ZNF423: variants seen among roughly 807,000 people sequenced by gnomAD.
ZNF423 encodes Ebf-associated zinc finger protein.
A neutral mutation model predicts 95.8 loss-of-function variants in ZNF423; 12 were observed. The ratio of observed to expected loss-of-function variants is 0.13; its 90% confidence interval spans 0.08 to 0.20. ZNF423 has a LOEUF of 0.20. ZNF423 is among the 10% of genes least tolerant of loss of function. The pLI is 1.00. For synonymous variants in ZNF423, 749 were observed against 711.9 expected, an observed-to-expected ratio of 1.05 and a Z score of -0.83; for missense variants, 1,316 against 1,737.1, an observed-to-expected ratio of 0.76 and a Z score of 4.31.
intron 2 of ZNF423, among the ~76,000 whole-genome samples, chr16:49,742,753 C>A (rs1489724020): frequency 1.3e-5 from 2 of 152,136 alleles, no homozygotes; most frequent in Non-Finnish European, 2.9e-5. Flanking sequence ...TGGAGCAGAA[C>A]TCAAGGCTAG....
rs1186771923 is a variant in ZNF423 at position 49,637,954 on chromosome 16, C to A, written c.1222G>T (p.Asp408Tyr). Residue 408 changes from aspartate (D) to tyrosine (Y), a missense_variant, in exon 4 of 8, where the codon GAC becomes TAC. Asp to Tyr is a radical substitution (Grantham distance 160). Coordinates refer to ENST00000563137, the MANE Select transcript of ZNF423 (RefSeq NM_001379286.1). This position sits in a 1 kb window ranked among gnomAD's most constrained non-coding sequence, Gnocchi z 5.6. ...ACCACCTTGGTCCAGCCCTGCCCGT[C>A]ATCCCGCATCTTCTTCTGCCCCCGC... ...PLRGQKKMRD[D>Y]GQGWTKVVYS... 1 of 1,614,166 alleles carries A rather than the reference C, an allele frequency of 6.2e-7. No homozygotes were observed. The highest frequency in any genetic ancestry group is 2.2e-5 in the East Asian group (1 of 44,870).
intron 5 of ZNF423, among the ~76,000 whole-genome samples, chr16:49,585,886 G>A (rs1970815519): frequency 1.3e-5 from 2 of 152,132 alleles, no homozygotes; most frequent in Admixed American, 6.5e-5. Context: ...GTTAGGAGAC[G>A]GAAAAGGAAT....
rs559850905 is a variant in ZNF423, at chr16:49,519,411, A to C, written c.3849+4213T>G. On this transcript the variant is annotated intron_variant, in intron 7 of 7. Coordinates refer to ENST00000563137, the MANE Select transcript of ZNF423 (RefSeq NM_001379286.1). ...CTTGCACTGCCACCAGCAATGTGTG[A>C]AAGTTCCTATCCCGCCCTCACCAAC... 5.9e-5 allele frequency among the ~76,000 whole-genome samples: 9 copies of C among 152,354 alleles called. No homozygotes were observed. In the East Asian group the frequency reaches 1.7e-3, roughly 29 times the overall value.
At chr16:49,501,343 T>C (rs1481526734) in intron 7 of ZNF423, among the ~76,000 whole-genome samples, 1 of 152,214 alleles carries the variant, frequency 6.6e-6, no homozygotes, top group Non-Finnish European at 1.5e-5. Flanking sequence ...GGCCCAGTGT[T>C]GCTTCCGGTT....
At chr16:49,775,034 A>G (rs1374484297) in intron 2 of ZNF423, among the ~76,000 whole-genome samples, 1 of 152,160 alleles carries the variant, frequency 6.6e-6, no homozygotes, top group Non-Finnish European at 1.5e-5. Flanking sequence ...ACCAGCCCCC[A>G]GACGCAGCCC....
chr16:49,790,807 G>A (rs889837785), intron 1 of ZNF423, among the ~76,000 whole-genome samples: 3 of 152,268 alleles, frequency 2.0e-5, no homozygotes, highest in East Asian at 1.9e-4. Flanking sequence ...AGAAAATAAC[G>A]GTACCTAAGC....
chr16:49,510,865 C>T lies in ZNF423; in HGVS notation c.3849+12759G>A, dbSNP rs149768310. Among the ~76,000 whole-genome samples the T allele has an allele frequency of 2.3e-3, 344 of 152,354 alleles. 4 individuals are homozygous for T. The highest frequency in any genetic ancestry group is 7.9e-3 in the African/African-American group (328 of 41,598). On this transcript the variant is annotated intron_variant, in intron 7 of 7. Transcript: ENST00000563137. ...GTTCGGCTCGCCACACACACAATGG[C>T]CACCGGCCTGAGGCTCCTGGCAGCT... is the stretch of plus-strand genomic sequence containing the variant.
intron 5 of ZNF423, among the ~76,000 whole-genome samples, chr16:49,543,658 C>T (rs1237890565): frequency 2.0e-5 from 3 of 152,192 alleles, no homozygotes; most frequent in African/African-American, 4.8e-5. Flanking sequence ...GCGGGGGCAG[C>T]GTGGAACCCA....
rs147823355 is a variant in ZNF423 at position 49,718,884 on chromosome 16, C to T, written c.301+11887G>A. Among the ~76,000 whole-genome samples the T allele has an allele frequency of 4.8e-3, 735 of 152,244 alleles. 3 individuals carry two copies. The highest frequency in any genetic ancestry group is 0.017 in the African/African-American group (688 of 41,540). ...ACATTGGGGATTAGATTTCAACAAA[C>T]GAATTTGGGGGAAAAGCAAACATTC... On this transcript the variant is annotated intron_variant, in intron 3 of 7. Coordinates refer to ENST00000563137, the MANE Select transcript of ZNF423 (RefSeq NM_001379286.1).
At chr16:49,632,242 A>G (rs920394341) in intron 4 of ZNF423, among the ~76,000 whole-genome samples, 2 of 152,112 alleles carry the variant, frequency 1.3e-5, no homozygotes, top group African/African-American at 4.8e-5. Context: ...CCTCAGCCCC[A>G]CAGGAACCCA....
chr16:49,679,517 G>A (rs765819936), intron 3 of ZNF423, among the ~76,000 whole-genome samples: 1 of 152,210 alleles, frequency 6.6e-6, no homozygotes, highest in Non-Finnish European at 1.5e-5. Context: ...GTCATGACCC[G>A]GCCAGATGTG....
intron 3 of ZNF423, among the ~76,000 whole-genome samples, chr16:49,720,677 T>C (rs190052270): frequency 6.6e-6 from 1 of 152,234 alleles, no homozygotes; most frequent in East Asian, 1.9e-4. Flanking sequence ...AGCAAAAGTA[T>C]TGGTTATCAA....
intron 4 of ZNF423, among the ~76,000 whole-genome samples, chr16:49,627,911 A>G (rs1464634637): frequency 6.8e-6 from 1 of 146,906 alleles, no homozygotes; most frequent in African/African-American, 2.6e-5. Flanking sequence ...CCACCCATCT[A>G]CATACACACC....
chr16:49,837,887 G>A (rs372944008), intron 1 of ZNF423, among the ~76,000 whole-genome samples: 5 of 152,192 alleles, frequency 3.3e-5, no homozygotes, highest in Admixed American at 2.0e-4. Flanking sequence ...GTGCCCTCCC[G>A]GGAGGACCTT....
chr16:49,557,518 G>T (rs918369812), intron 5 of ZNF423, among the ~76,000 whole-genome samples: 1 of 152,198 alleles, frequency 6.6e-6, no homozygotes, highest in Non-Finnish European at 1.5e-5. Flanking sequence ...CTGACCCCAG[G>T]GGGTGGTGGT....
At chr16:49,699,367 T>C (rs1567298063) in intron 3 of ZNF423, among the ~76,000 whole-genome samples, 1 of 152,142 alleles carries the variant, frequency 6.6e-6, no homozygotes, top group Non-Finnish European at 1.5e-5. Context: ...TGGAAATAAA[T>C]AAATAAATGC....
At chr16:49,821,064 C>A (rs1431141360) in intron 1 of ZNF423, among the ~76,000 whole-genome samples, 1 of 152,154 alleles carries the variant, frequency 6.6e-6, no homozygotes, top group Admixed American at 6.5e-5. Flanking sequence ...TTGGAGGTAA[C>A]CTATTTCCAG....
intron 5 of ZNF423, among the ~76,000 whole-genome samples, chr16:49,527,140 G>C (rs1308052018): frequency 6.6e-6 from 1 of 151,788 alleles, no homozygotes; most frequent in Non-Finnish European, 1.5e-5. Context: ...GCCATCCCCC[G>C]CACCCCCGGG....
intron 7 of ZNF423, among the ~76,000 whole-genome samples, chr16:49,505,241 G>T (rs1967582295): frequency 6.6e-6 from 1 of 152,154 alleles, no homozygotes; most frequent in Admixed American, 6.5e-5. Flanking sequence ...GGACTGTACT[G>T]GAAAATCTAG....
Sources: allele counts gnomAD v4.1 joint callset (sites outside exome capture counted in the v4.1 genomes callset), GRCh38; gene constraint gnomAD v4.1.1; non-coding constraint Gnocchi (gnomAD v3.1); transcripts MANE v1.5; gene names NCBI Gene and HGNC (gene_info 2026-07-23, HGNC 2026-07-21).